MAGI2: variants seen among roughly 807,000 people sequenced by gnomAD.
The protein encoded by MAGI2 is membrane associated guanylate kinase, WW and PDZ domain containing 2.
A neutral mutation model predicts 133.3 loss-of-function variants in MAGI2; 35 were observed. The ratio of observed to expected loss-of-function variants is 0.26; its 90% CI spans 0.20 to 0.35. The LOEUF (loss-of-function observed/expected upper bound fraction) is 0.35, where lower values mean the gene tolerates loss of function less well. Ranked by LOEUF, MAGI2 falls within the 10% of genes least tolerant of loss-of-function variation. MAGI2 has a pLI of 1.00. For synonymous variants in MAGI2, 729 were observed against 710.6 expected (o/e 1.03, Z -0.41); for missense variants, 1,636 against 1,863.4 (o/e 0.88, Z 2.25).
chr7:78,529,335 C>G (rs1797239322), intron 3 of MAGI2, among the ~76,000 whole-genome samples: 1 of 152,190 alleles, frequency 6.6e-6, no homozygotes, highest in African/African-American at 2.4e-5. Context: ...AAATTGGACA[C>G]TCTTTCCTTC....
intron 20 of MAGI2, among the ~76,000 whole-genome samples, chr7:78,114,889 A>G (rs1261296380): frequency 1.3e-5 from 2 of 152,156 alleles, no homozygotes; most frequent in African/African-American, 4.8e-5. Context: ...CACGGGAGGC[A>G]CCCTCTGGGG....
intron 3 of MAGI2, among the ~76,000 whole-genome samples, chr7:78,600,095 A>G (rs1441015135): frequency 3.3e-5 from 5 of 152,134 alleles, no homozygotes; most frequent in Non-Finnish European, 7.4e-5. Flanking sequence ...AAAATTGGAT[A>G]CCTTTTTGTA....
intron 2 of MAGI2, among the ~76,000 whole-genome samples, chr7:78,826,481 T>C (rs1421822331): frequency 6.6e-6 from 1 of 152,086 alleles, no homozygotes; most frequent in Non-Finnish European, 1.5e-5. Context: ...AAAGCAATCA[T>C]TGGTTTCCAG....
At chr7:79,234,788 T>G (rs1831722659) in intron 1 of MAGI2, among the ~76,000 whole-genome samples, 2 of 151,182 alleles carry the variant, frequency 1.3e-5, no homozygotes, top group Non-Finnish European at 3.0e-5. Flanking sequence ...CCTTCTTCTC[T>G]CAGCTCGTCA....
Position 78,878,467 on chromosome 7 carries a change from G to A in MAGI2, c.418+128623C>T, listed in dbSNP as rs557546602. ...ATTCTTAATTAGTTTCCTGTATGTG[G>A]AATGTAAAAATTCACATTTATTGAA... is the stretch of plus-strand genomic sequence containing the variant. On this transcript the variant is annotated intron_variant, in intron 2 of 21. Transcript: ENST00000354212. Among the ~76,000 whole-genome samples, 32 of 152,224 alleles carry A rather than the reference G, an allele frequency of 2.1e-4. 1 individual carries two copies. In the South Asian group the frequency reaches 6.4e-3, roughly 31 times the overall value.
intron 1 of MAGI2, among the ~76,000 whole-genome samples, chr7:79,116,438 T>A (rs1006024869): frequency 1.3e-5 from 2 of 152,184 alleles, no homozygotes; most frequent in East Asian, 3.9e-4. Context: ...GAAACTTTTC[T>A]GTTAAACTTT....
intron 1 of MAGI2, among the ~76,000 whole-genome samples, chr7:79,385,269 T>C (rs1844095896): frequency 6.6e-6 from 1 of 151,796 alleles, no homozygotes; most frequent in South Asian, 2.1e-4. Flanking sequence ...AAAACATAAG[T>C]GGATGGTTTC....
chr7:78,484,282 A>G (rs189874396), intron 6 of MAGI2: 1 of 152,132 alleles, frequency 6.6e-6, no homozygotes, highest in East Asian at 1.9e-4. Context: ...ATTGTAAAGC[A>G]TGGCGTATGC....
rs1164217422 is a variant in MAGI2, at chr7:78,070,216, T to TACACACAC, written c.3706+8730_3706+8731insGTGTGTGT. On this transcript the variant is annotated intron_variant, in intron 21 of 21. Coordinates refer to ENST00000354212, the MANE Select transcript of MAGI2 (RefSeq NM_012301.4). ...ATATATATATATATATATATATATA[T>TACACACAC]ATACACACACACACACAGACATTCT... Among the ~76,000 whole-genome samples the TACACACAC allele has an allele frequency of 2.5e-3, 130 of 52,014 alleles. 1 individual carries two copies. In the East Asian group the frequency reaches 0.034, roughly 14 times the overall value. 34.1% of individuals were successfully genotyped at this position (52,014 alleles called of 152,430 possible).
At chr7:79,378,954 ATATATATATATATATATT>A (rs1843582755) in intron 1 of MAGI2, among the ~76,000 whole-genome samples, 2 of 60,588 alleles carry the variant, frequency 3.3e-5, no homozygotes, top group Admixed American at 1.7e-4. Context: ...ATATATATAT[ATATATATATATATATATT>A]AAACTTTAAG....
At chr7:79,400,386 T>A (rs1446803679) in intron 1 of MAGI2, among the ~76,000 whole-genome samples, 1 of 152,194 alleles carries the variant, frequency 6.6e-6, no homozygotes, top group Non-Finnish European at 1.5e-5. Flanking sequence ...TCTATTTTTT[T>A]ATCCAAAAAA....
chr7:79,082,480 C>T (rs1816128134), intron 1 of MAGI2, among the ~76,000 whole-genome samples: 1 of 151,996 alleles, frequency 6.6e-6, no homozygotes, highest in Admixed American at 6.6e-5. Flanking sequence ...GAAGGTTATT[C>T]ATTTCCCCAT....
chr7:78,178,160 G>T (rs1018370334), intron 13 of MAGI2, 58 bp from the exon 14 acceptor site: 5 of 1,046,778 alleles, frequency 4.8e-6, no homozygotes, highest in Non-Finnish European at 7.5e-6. Flanking sequence ...AGCCCCTGAG[G>T]AACTGAACAT....
intron 9 of MAGI2, among the ~76,000 whole-genome samples, chr7:78,331,268 C>G (rs2534648): frequency 0.51 from 77,032 of 151,938 alleles, 19,830 homozygotes; most frequent in Middle Eastern, 0.55. Context: ...AAGCTCAATA[C>G]CTGAGTGACA....
At chr7:78,401,964 G>A (rs1796914068) in intron 6 of MAGI2, among the ~76,000 whole-genome samples, 1 of 151,008 alleles carries the variant, frequency 6.6e-6, no homozygotes, top group South Asian at 2.1e-4. Flanking sequence ...TTGTCTTGTT[G>A]AGTCCTAAGT....
chr7:78,078,841 T>C, intron 21 of MAGI2, 106 bp downstream of exon 21: 1 of 1,260,564 alleles, frequency 7.9e-7, no homozygotes, highest in African/African-American at 1.5e-5. Context: ...TAGCTAAATA[T>C]ATATTTAGGT....
At chr7:79,270,417 G>A (rs1399819073) in intron 1 of MAGI2, among the ~76,000 whole-genome samples, 1 of 152,136 alleles carries the variant, frequency 6.6e-6, no homozygotes, top group African/African-American at 2.4e-5. Context: ...TTTCCTAACT[G>A]AGAGAAGTCA....
Position 78,613,779 on chromosome 7 carries a change from G to A in MAGI2, c.538+13341C>T, listed in dbSNP as rs145418993. 2.9e-4 allele frequency among the ~76,000 whole-genome samples: 44 copies of A among 152,268 alleles called. 1 individual carries two copies. The East Asian group carries it at 8.3e-3, about 29-fold the overall frequency. ...AATGTGACAATATAATAGGCCAAAT[G>A]TCTTTTACTTTTGATTTTGTTTTGC... On this transcript the variant is annotated intron_variant, in intron 3 of 21. Coordinates refer to ENST00000354212, the MANE Select transcript of MAGI2 (RefSeq NM_012301.4).
chr7:78,251,902 G>A (rs1031909246), intron 10 of MAGI2: 2 of 152,134 alleles, frequency 1.3e-5, no homozygotes, highest in African/African-American at 2.4e-5. Context: ...CAACTTTGGC[G>A]GGTAGAGGCA....
Sources: allele counts gnomAD v4.1 joint callset (sites outside exome capture counted in the v4.1 genomes callset), GRCh38; gene constraint gnomAD v4.1.1; transcripts MANE v1.5; gene names NCBI Gene and HGNC (gene_info 2026-07-23, HGNC 2026-07-21).